The following CACNA1A variants were observed in gnomAD, a reference collection of about 807,000 sequenced individuals.
The protein encoded by CACNA1A is voltage-dependent P/Q-type calcium channel subunit alpha-1A.
In CACNA1A, 57 loss-of-function variants were observed where a neutral mutation model predicts 262.4. That is an observed-to-expected ratio of 0.22 (90% CI 0.18 to 0.27). The LOEUF (loss-of-function observed/expected upper bound fraction) is 0.27. Among genes scored for constraint, CACNA1A ranks in the 10% least tolerant of loss-of-function variants. The pLI is 1.00. For synonymous variants in CACNA1A, 1,431 were observed against 1,419.3 expected (o/e 1.01, Z -0.18); for missense variants, 2,526 against 3,562.8 (o/e 0.71, Z 7.41).
intron 3 of CACNA1A, among the ~76,000 whole-genome samples, chr19:13,420,299 T>C (rs2060297930): frequency 6.6e-6 from 1 of 151,670 alleles, no homozygotes; most frequent in African/African-American, 2.4e-5. Flanking sequence ...TGGTCTCTTT[T>C]CTTAAGTAAA....
chr19:13,221,218 T>TTTTC (rs138152221), intron 38 of CACNA1A, among the ~76,000 whole-genome samples: 2,265 of 25,906 alleles, frequency 0.087, 346 homozygotes, highest in East Asian at 0.45. Flanking sequence ...TTGTTTTTTC[T>TTTTC]TTTCTTTCTT....
chr19:13,214,704 C>T lies in CACNA1A; in HGVS notation c.5732-96G>A, dbSNP rs1285615204. 8.5e-6 allele frequency: 8 copies of T among 943,296 alleles called. No homozygotes were observed. The highest frequency in any genetic ancestry group is 1.3e-5 in the Non-Finnish European group (8 of 604,320). 58.4% of individuals were successfully genotyped at this position (943,296 alleles called of 1,614,324 possible). A position where few individuals can be genotyped will look rare whatever the true frequency, so the allele number is the denominator to read the frequency against. ...GCCATAGGCTCCCGAGAACGAGACC[C>T]CAATCTTTCTGGTCCCCATGGGGTC... On this transcript the variant is annotated intron_variant, in intron 38 of 46. Transcript: ENST00000360228. The surrounding 1 kb of genome is among the most constrained non-coding windows in gnomAD (Gnocchi z 4.1).
intron 1 of CACNA1A, among the ~76,000 whole-genome samples, chr19:13,501,416 C>T (rs989474596): frequency 6.6e-6 from 1 of 151,978 alleles, no homozygotes; most frequent in African/African-American, 2.4e-5. Context: ...CCTCATGATC[C>T]ACCGGCCTCA....
rs1413092159 is a variant in CACNA1A, at chr19:13,365,630, C to T, written c.632-161G>A. 75 of 573,314 alleles carry T rather than the reference C, an allele frequency of 1.3e-4. No homozygotes were observed. The East Asian group carries it at 1.9e-3, about 15-fold the overall frequency. 35.5% of individuals were successfully genotyped at this position (573,314 alleles called of 1,614,324 possible). On this transcript the variant is annotated intron_variant, in intron 4 of 46. Coordinates refer to ENST00000360228, the MANE Select transcript of CACNA1A (RefSeq NM_001127222.2). The stretch of plus-strand genomic sequence containing the variant: ...TTGGGCAATGGTGAAGGAAGCACCA[C>T]ACGGAGGCTGATCCTTATCATGGGA...
At position 13,236,972 on chromosome 19, in the gene CACNA1A, G is replaced by T. The variant is rs965763731; in HGVS notation, c.4951-1242C>A. Among the ~76,000 whole-genome samples the T allele has an allele frequency of 4.6e-5, 7 of 152,166 alleles. No homozygotes were observed. Among genetic ancestry groups the T allele is most frequent in the Admixed American group, 3.3e-4 (5 of 15,270 alleles). ...AAAACTGTTTTGTTGGGCCCGAGCAGTGTTTTTTCATTTGTCCTTGTTTTT... is the reference window on the plus strand; with the variant it reads ...AAAACTGTTTTGTTGGGCCCGAGCATTGTTTTTTCATTTGTCCTTGTTTTT... On this transcript the variant is annotated intron_variant, in intron 31 of 46. Coordinates refer to ENST00000360228, the MANE Select transcript of CACNA1A (RefSeq NM_001127222.2). This position sits in a 1 kb window ranked among gnomAD's most constrained non-coding sequence, Gnocchi z 4.6.
intron 6 of CACNA1A, among the ~76,000 whole-genome samples, chr19:13,357,418 C>T (rs1334212301): frequency 6.6e-6 from 1 of 152,188 alleles, no homozygotes; most frequent in Non-Finnish European, 1.5e-5. Flanking sequence ...CGGGTCAGGC[C>T]AACCGCTGGC....
chr19:13,356,281 G>A (rs963617016), intron 6 of CACNA1A, among the ~76,000 whole-genome samples: 6 of 152,206 alleles, frequency 3.9e-5, no homozygotes, highest in African/African-American at 1.4e-4. Context: ...CACTTCATGC[G>A]AATCCACCTT....
chr19:13,286,192 C>A (rs1019682736), intron 20 of CACNA1A, among the ~76,000 whole-genome samples: 1 of 152,034 alleles, frequency 6.6e-6, no homozygotes, highest in Non-Finnish European at 1.5e-5. Flanking sequence ...ATCATCTGAC[C>A]CCCTCAAGCT....
chr19:13,437,624 GA>G (rs1427587953), intron 3 of CACNA1A, among the ~76,000 whole-genome samples: 1 of 138,360 alleles, frequency 7.2e-6, no homozygotes, highest in Non-Finnish European at 1.5e-5. Context: ...CCAGGAGGCA[GA>G]AGTTGCAGTG....
At position 13,335,813 on chromosome 19, in the gene CACNA1A, G is replaced by C; in HGVS notation, c.1075C>G (p.Leu359Val). The C allele has an allele frequency of 6.2e-7, 1 of 1,605,718 alleles. No homozygotes were observed. The highest frequency in any genetic ancestry group is 8.5e-7 in the Non-Finnish European group (1 of 1,174,796). Reference sequence around the variant, plus strand: ...GGAGTAGCAGAAACTTACCCTGACAGCACACCCAGCACAAGGTTCAGCATA... The same window carrying C: ...GGAGTAGCAGAAACTTACCCTGACACCACACCCAGCACAAGGTTCAGCATA... Reference protein sequence around the residue: ...FFMLNLVLGVLSGEFAKERER... With the variant: ...FFMLNLVLGVVSGEFAKERER... Residue 359 changes from leucine (L) to valine (V), a missense_variant, in exon 7 of 47, where the codon CTG becomes GTG. Physicochemically the swap from Leu to Val is conservative, Grantham distance 32. Transcript: ENST00000360228.
chr19:13,482,807 G>A (rs1223570136), intron 1 of CACNA1A, among the ~76,000 whole-genome samples: 1 of 151,190 alleles, frequency 6.6e-6, no homozygotes, highest in Admixed American at 6.6e-5. Flanking sequence ...GTTAGGAAAT[G>A]CTCCCTCTCT....
intron 19 of CACNA1A, among the ~76,000 whole-genome samples, chr19:13,287,208 G>T (rs184762277): frequency 6.1e-4 from 93 of 152,166 alleles, no homozygotes; most frequent in Non-Finnish European, 1.0e-3. Flanking sequence ...GTAAATTGAC[G>T]GGCGTGGCGC....
intron 6 of CACNA1A, among the ~76,000 whole-genome samples, chr19:13,339,395 T>G (rs2058637566): frequency 6.6e-6 from 1 of 151,938 alleles, no homozygotes; most frequent in African/African-American, 2.4e-5. Flanking sequence ...GGAGTTCGCG[T>G]TTAGTGGGGA....
intron 6 of CACNA1A, among the ~76,000 whole-genome samples, chr19:13,341,657 T>C (rs2058678598): frequency 6.6e-6 from 1 of 152,192 alleles, no homozygotes; most frequent in South Asian, 2.1e-4. Context: ...CTACATGGTT[T>C]CCCCTCACCT....
chr19:13,340,200 G>A (rs1229518104), intron 6 of CACNA1A, among the ~76,000 whole-genome samples: 1 of 152,018 alleles, frequency 6.6e-6, no homozygotes, highest in African/African-American at 2.4e-5. Flanking sequence ...TACCAAGGCA[G>A]CCCGTCCATC....
intron 38 of CACNA1A, among the ~76,000 whole-genome samples, chr19:13,218,350 GTAAC>G (rs1056252590): frequency 6.6e-6 from 1 of 152,174 alleles, no homozygotes; most frequent in African/African-American, 2.4e-5. Context: ...TGGAGACTGA[GTAAC>G]TACGTCAGCC....
At chr19:13,269,994 C>T (rs2056975546) in intron 24 of CACNA1A, among the ~76,000 whole-genome samples, 1 of 152,172 alleles carries the variant, frequency 6.6e-6, no homozygotes. Flanking sequence ...CTTATGCTCC[C>T]TTCCCCTATT....
intron 7 of CACNA1A, among the ~76,000 whole-genome samples, 187 bp downstream of exon 7, chr19:13,335,619 G>T (rs1226482153): frequency 3.3e-5 from 5 of 152,078 alleles, no homozygotes; most frequent in Admixed American, 2.6e-4. Flanking sequence ...CCTCTCACTG[G>T]GTACCCCTAG....
At chr19:13,281,018 T>C (rs1040154557) in intron 22 of CACNA1A, among the ~76,000 whole-genome samples, 1 of 150,846 alleles carries the variant, frequency 6.6e-6, no homozygotes, top group Admixed American at 6.6e-5. Context: ...AGCATAGAAG[T>C]GTCTCATTTA....
Sources: gnomAD v4.1 joint callset for allele counts (sites outside exome capture counted in the v4.1 genomes callset) on GRCh38, gnomAD v4.1.1 for gene constraint, Gnocchi (gnomAD v3.1) non-coding constraint, MANE v1.5 for transcripts, NCBI Gene and HGNC (gene_info 2026-07-23, HGNC 2026-07-21) for gene names.